Variants in CEP128 observed in about 807,000 individuals in gnomAD.
The protein encoded by CEP128 is centrosomal protein 128kDa.
Under a neutral mutation model 156.7 loss-of-function variants are expected in CEP128, and 132 were observed. That is an observed-to-expected ratio of 0.84 (90% CI 0.73 to 0.97). The LOEUF (loss-of-function observed/expected upper bound fraction) is 0.97, where lower values mean the gene tolerates loss of function less well. CEP128 is among the 50% of genes least tolerant of loss of function. The pLI, the probability that CEP128 is intolerant of heterozygous loss-of-function variation, is 0.00. For synonymous variants in CEP128, 469 were observed against 448.9 expected, an observed-to-expected ratio of 1.04 and a Z score of -0.57; for missense variants, 1,252 against 1,281.9, an observed-to-expected ratio of 0.98 and a Z score of 0.36.
intron 13 of CEP128, among the ~76,000 whole-genome samples, chr14:80,801,029 C>A (rs1883812015): frequency 6.6e-6 from 1 of 152,106 alleles, no homozygotes; most frequent in Admixed American, 6.5e-5. Context: ...AACATATGGG[C>A]AACAGATTTC....
intron 13 of CEP128, among the ~76,000 whole-genome samples, chr14:80,817,804 C>T (rs1316991407): frequency 6.6e-6 from 1 of 151,770 alleles, no homozygotes; most frequent in Non-Finnish European, 1.5e-5. Context: ...TCACTTGAAC[C>T]TGGGAGGCGG....
At chr14:80,870,952 C>T (rs1448865722) in intron 8 of CEP128, among the ~76,000 whole-genome samples, 2 of 148,192 alleles carry the variant, frequency 1.3e-5, no homozygotes, top group Admixed American at 1.3e-4. Flanking sequence ...CTATACATAA[C>T]AACTCAAAAA....
At chr14:80,599,968 C>T (rs183256209) in intron 19 of CEP128, among the ~76,000 whole-genome samples, 3 of 152,300 alleles carry the variant, frequency 2.0e-5, no homozygotes, top group African/African-American at 7.2e-5. Context: ...TTTTCTTTCA[C>T]ATACCATGAA....
intron 19 of CEP128, among the ~76,000 whole-genome samples, chr14:80,609,486 G>A (rs1892911939): frequency 6.6e-6 from 1 of 152,108 alleles, no homozygotes; most frequent in African/African-American, 2.4e-5. Context: ...CCATCCACTG[G>A]GTATTTGGGT....
intron 19 of CEP128, among the ~76,000 whole-genome samples, chr14:80,684,577 C>T (rs955889049): frequency 6.6e-6 from 1 of 151,852 alleles, no homozygotes; most frequent in African/African-American, 2.4e-5. Context: ...AGGAGTAACT[C>T]CTTCCTAATG....
intron 9 of CEP128, among the ~76,000 whole-genome samples, chr14:80,861,165 G>A (rs1887494569): frequency 1.3e-5 from 2 of 151,870 alleles, no homozygotes; most frequent in South Asian, 4.2e-4. Context: ...TCACTATCTG[G>A]CACTACTTAT....
At chr14:80,709,801 T>G (rs1197716674) in intron 19 of CEP128, among the ~76,000 whole-genome samples, 1 of 152,164 alleles carries the variant, frequency 6.6e-6, no homozygotes, top group African/African-American at 2.4e-5. Flanking sequence ...ATTTTCTTTA[T>G]CAATAAATGA....
At chr14:80,519,252 G>A (rs1888627133) in intron 23 of CEP128, among the ~76,000 whole-genome samples, 1 of 152,042 alleles carries the variant, frequency 6.6e-6, no homozygotes, top group Non-Finnish European at 1.5e-5. Flanking sequence ...TATTTTTCCT[G>A]GGCTTCTTCC....
At chr14:80,608,321 C>T (rs139961627) in intron 19 of CEP128, among the ~76,000 whole-genome samples, 1 of 152,140 alleles carries the variant, frequency 6.6e-6, no homozygotes, top group Non-Finnish European at 1.5e-5. Flanking sequence ...AACTCAGGCA[C>T]CTAGAAAAGT....
intron 18 of CEP128, among the ~76,000 whole-genome samples, chr14:80,749,611 T>C (rs1046326278): frequency 6.6e-6 from 1 of 152,118 alleles, no homozygotes; most frequent in Non-Finnish European, 1.5e-5. Context: ...AGTAGAATGA[T>C]GGTTACTAGA....
At chr14:80,913,850 A>G (rs1356913393) in intron 4 of CEP128, among the ~76,000 whole-genome samples, 1 of 152,224 alleles carries the variant, frequency 6.6e-6, no homozygotes, top group Non-Finnish European at 1.5e-5. Context: ...AGGTGCACTA[A>G]AATCCCAGAC....
chr14:80,557,182 G>C (rs556201901), intron 21 of CEP128, among the ~76,000 whole-genome samples: 49 of 152,242 alleles, frequency 3.2e-4, no homozygotes, highest in African/African-American at 1.2e-3. Flanking sequence ...CGTTAGTGAA[G>C]AGATTAGATA....
chr14:80,558,188 A>T (rs1179870752), intron 21 of CEP128, among the ~76,000 whole-genome samples: 2 of 151,890 alleles, frequency 1.3e-5, no homozygotes, highest in African/African-American at 2.4e-5. Context: ...ATATCTTGAA[A>T]TTTTTCCATT....
chr14:80,657,487 C>T (rs566678383), intron 19 of CEP128, among the ~76,000 whole-genome samples: 3 of 151,982 alleles, frequency 2.0e-5, no homozygotes, highest in South Asian at 4.2e-4. Flanking sequence ...TCTGTCTCTA[C>T]TAAAAATACA....
chr14:80,638,478 G>A (rs537877691), intron 19 of CEP128, among the ~76,000 whole-genome samples: 93 of 152,256 alleles, frequency 6.1e-4, no homozygotes, highest in African/African-American at 2.1e-3. Context: ...CCCGATGTGC[G>A]TAGGGCTCTG....
At position 80,871,278 on chromosome 14, in the gene CEP128, A is replaced by T. The variant is rs550631774; in HGVS notation, c.646-8405T>A. On this transcript the variant is annotated intron_variant, in intron 8 of 24. Coordinates refer to ENST00000555265, the MANE Select transcript of CEP128 (RefSeq NM_152446.5). ...TTGCCTGCAGTGAGAAGCACAGATA[A>T]AGGCAGGTATGGGAGCAGAGGGACC... 3.3e-5 allele frequency among the ~76,000 whole-genome samples: 5 copies of T among 152,242 alleles called. No homozygotes were observed. In the East Asian group the frequency reaches 9.6e-4, roughly 29 times the overall value.
At chr14:80,862,283 G>C (rs1290841654) in intron 9 of CEP128, among the ~76,000 whole-genome samples, 2 of 152,170 alleles carry the variant, frequency 1.3e-5, no homozygotes, top group African/African-American at 2.4e-5. Context: ...ATGAATAGGA[G>C]TGGTTGTGCT....
At chr14:80,736,250 A>G (rs1272312510) in intron 19 of CEP128, among the ~76,000 whole-genome samples, 1 of 93,692 alleles carries the variant, frequency 1.1e-5, no homozygotes, top group Non-Finnish European at 2.3e-5. Flanking sequence ...GCTCTAATAT[A>G]AGGTTTTAAA....
intron 20 of CEP128, among the ~76,000 whole-genome samples, chr14:80,561,721 T>A (rs1890680919): frequency 1.3e-5 from 2 of 152,152 alleles, no homozygotes; most frequent in South Asian, 4.1e-4. Flanking sequence ...AGAATTAAAC[T>A]GTCTGTCCTA....
Sources: allele counts gnomAD v4.1 joint callset (sites outside exome capture counted in the v4.1 genomes callset), GRCh38; gene constraint gnomAD v4.1.1; transcripts MANE v1.5; gene names NCBI Gene and HGNC (gene_info 2026-07-23, HGNC 2026-07-21).